Variants in PNPLA6 observed in about 807,000 individuals in gnomAD.
The protein encoded by PNPLA6 is patatin like domain 6, lysophospholipase, also known as patatin-like phospholipase domain-containing protein 6.
In PNPLA6, 105 loss-of-function variants were observed where a neutral mutation model predicts 153.7. That is an observed-to-expected ratio of 0.68 (90% confidence interval 0.58 to 0.80). The LOEUF is 0.80. Among genes scored for constraint, PNPLA6 ranks in the 30% least tolerant of loss-of-function variants. PNPLA6 has a pLI of 0.00. For missense variants in PNPLA6, 1,423 were observed against 1,919.3 expected (o/e 0.74, Z 4.83); for synonymous variants, 825 against 822.2 (o/e 1.00, Z -0.06).
At position 7,540,784 on chromosome 19, in the gene PNPLA6, A is replaced by T; in HGVS notation, c.795+74A>T. The stretch of plus-strand genomic sequence containing the variant: ...CCAAGGGACTAGGTTGAAGGAAATC[A>T]CAGGGTCCCCAATCTCTGGTTCATC... On this transcript the variant is annotated intron_variant, in intron 6 of 31. Transcript: ENST00000600737. This position sits in a 1 kb window ranked among gnomAD's most constrained non-coding sequence, Gnocchi z 6.8. 1.3e-6 allele frequency: 2 copies of T among 1,546,636 alleles called. No individual in the cohort carries two copies. Among genetic ancestry groups the T allele is most frequent in the Non-Finnish European group, 1.8e-6 (2 of 1,118,548 alleles).
chr19:7,554,457 G>A, intron 20 of PNPLA6, 98 bp from the exon 21 acceptor site: 4 of 1,418,592 alleles, frequency 2.8e-6, no homozygotes, highest in East Asian at 2.3e-5. Context: ...TGGGGGTTTG[G>A]GTGTCTAAGT....
chr19:7,554,863 C>A, intron 21 of PNPLA6, 30 bp from the exon 22 acceptor site: 2 of 1,571,676 alleles, frequency 1.3e-6, no homozygotes, highest in Non-Finnish European at 1.7e-6. Flanking sequence ...GGTGGGGCGG[C>A]TGGTGACCTC....
At position 7,535,904 on chromosome 19, in the gene PNPLA6, G is replaced by T; in HGVS notation, c.116G>T (p.Gly39Val). 1 of 1,555,866 alleles carries T rather than the reference G, an allele frequency of 6.4e-7. No individual in the cohort carries two copies. Residue 39 changes from glycine (G) to valine (V), a missense_variant, in exon 1 of 32, where the codon GGT (glycine) becomes GTT (valine). Transcript: ENST00000600737. This position sits in a 1 kb window ranked among gnomAD's most constrained non-coding sequence, Gnocchi z 5.0. ...PGEGSAGRIC[G>V]AQPVPFVPQV... ...GAAGGCTCGGCGGGACGGATTTGCG[G>T]TGCGCAGCCAGTGCCGTTCGTCCCT...
intron 13 of PNPLA6, among the ~76,000 whole-genome samples, chr19:7,547,621 C>T (rs1054616700): frequency 4.6e-5 from 7 of 151,210 alleles, no homozygotes; most frequent in Admixed American, 1.3e-4. Flanking sequence ...GGATTGCAGG[C>T]GTGAGCCACC....
At chr19:7,559,849 A>C (rs950708145) in intron 28 of PNPLA6, among the ~76,000 whole-genome samples, 1 of 137,656 alleles carries the variant, frequency 7.3e-6, no homozygotes, top group East Asian at 2.2e-4. Context: ...GTCTCTAAGA[A>C]AAAGAAAGGG....
chr19:7,547,008 A>C (rs2023412925), intron 13 of PNPLA6, among the ~76,000 whole-genome samples: 1 of 151,812 alleles, frequency 6.6e-6, no homozygotes, highest in Non-Finnish European at 1.5e-5. Context: ...AGGTTCAAGC[A>C]GTTCTCCTGT....
rs10419250 is a variant in PNPLA6, at chr19:7,539,705, C to T, written c.414-213C>T. Among the ~76,000 whole-genome samples, 1,738 of 147,852 alleles carry T rather than the reference C, an allele frequency of 0.012. 37 individuals carry two copies. The highest frequency in any genetic ancestry group is 0.041 in the African/African-American group (1,642 of 39,726). Reference sequence around the variant, plus strand: ...CCTGGAGGTGGAGGTTGCAGTGAGCCGAGATCGCACCATTGCACTCCAGCC... The same window carrying T: ...CCTGGAGGTGGAGGTTGCAGTGAGCTGAGATCGCACCATTGCACTCCAGCC... On this transcript the variant is annotated intron_variant, in intron 3 of 31. Transcript: ENST00000600737.
chr19:7,551,224 C>A, intron 17 of PNPLA6, 117 bp downstream of exon 17: 1 of 924,862 alleles, frequency 1.1e-6, no homozygotes. Flanking sequence ...GGGGCCGAAG[C>A]GAGAGAGTGA....
At position 7,551,070 on chromosome 19, in the gene PNPLA6, AG is replaced by A. The variant is rs1347606921; in HGVS notation, c.2150del (p.Gly717AlafsTer14). 1 of 1,529,956 alleles carries A rather than the reference AG, an allele frequency of 6.5e-7. No individual in the cohort carries two copies. The highest frequency in any genetic ancestry group is 1.4e-5 in the African/African-American group (1 of 71,670). The allele number at this position is 1,529,956 out of a possible 1,614,324, so 94.8% of individuals were successfully genotyped here. On this transcript the variant is annotated frameshift_variant, in exon 17 of 32. Transcript: ENST00000600737. LOFTEE classifies it high-confidence loss of function. ...VRDTELAKLP[E>X]GTLGHIKRRY... ...GACACGGAGCTGGCCAAGCTTCCCG[AG>A]GGCACCTTGGGTCACATCAAACGCC...
In PNPLA6 at chr19:7,540,213, C is replaced by G. The variant is rs751202036; in HGVS notation, c.619C>G (p.Leu207Val). 8.1e-6 allele frequency: 13 copies of G among 1,610,420 alleles called. No homozygotes were observed. Among genetic ancestry groups the G allele is most frequent in the Middle Eastern group, 1.7e-4 (1 of 6,060 alleles). ...ELCRHMVFQR[L>V]GQGDYVFRPG... is the part of the protein sequence containing the mutation. ...CTGCCGCCACATGGTCTTCCAGCGG[C>G]TGGGCCAGGGTGACTACGTCTTCCG... The change falls in exon 5 of 32, where the codon CTG becomes GTG. Residue 207 changes from leucine to valine, a missense_variant. This residue lies in a region of PNPLA6 where 118 missense variants were observed against 158.8 expected (regional missense o/e 0.74). Coordinates refer to ENST00000600737, the MANE Select transcript of PNPLA6 (RefSeq NM_001166114.2). This position sits in a 1 kb window ranked among gnomAD's most constrained non-coding sequence, Gnocchi z 6.8.
intron 3 of PNPLA6, among the ~76,000 whole-genome samples, chr19:7,538,652 G>A (rs937647335): frequency 2.0e-5 from 3 of 152,176 alleles, no homozygotes; most frequent in Non-Finnish European, 2.9e-5. Flanking sequence ...GGGCTATCTG[G>A]ATTCTCCACT....
At chr19:7,542,983 A>T in intron 12 of PNPLA6, 24 bp from the exon 13 acceptor site, 1 of 1,613,816 alleles carries the variant, frequency 6.2e-7, no homozygotes, top group South Asian at 1.1e-5. Flanking sequence ...GGCTGCGCCC[A>T]TCTCAACCCC....
At chr19:7,559,210 T>G in intron 28 of PNPLA6, 59 bp downstream of exon 28, 2 of 1,461,870 alleles carry the variant, frequency 1.4e-6, no homozygotes, top group Non-Finnish European at 1.9e-6. Context: ...CTTTGCTACT[T>G]AAAGCCCAGA....
In PNPLA6 at chr19:7,555,766, G is replaced by A; in HGVS notation, c.3093+3G>A. 6.2e-7 allele frequency: 1 copy of A among 1,613,172 alleles called. No homozygotes were observed. Among genetic ancestry groups the A allele is most frequent in the Non-Finnish European group, 8.5e-7 (1 of 1,179,838 alleles). ...AGCGGGCCCGGGAGTGGGCCAAGGT[G>A]TGTGTTGCGAGGAGGGATTGCTGCA... On this transcript the variant is annotated splice_donor_region_variant and intron_variant, in intron 24 of 31. Transcript: ENST00000600737. The surrounding 1 kb of genome is among the most constrained non-coding windows in gnomAD (Gnocchi z 6.3).
Position 7,551,014 on chromosome 19 carries a change from G to A in PNPLA6, c.2091G>A (p.Gln697=), listed in dbSNP as rs1398684640. 1 of 1,546,388 alleles carries A rather than the reference G, an allele frequency of 6.5e-7. No homozygotes were observed. Among genetic ancestry groups the A allele is most frequent in the East Asian group, 2.4e-5 (1 of 40,860 alleles). ...LIGVVEALTR[Q]PRATTVHAVR... ...CCCAGGTGGAGGCACTGACCCGGCA[G>A]CCGCGAGCCACGACGGTGCACGCGG... is the stretch of plus-strand genomic sequence containing the variant. Residue 697 remains glutamine (Q), a synonymous_variant, in exon 17 of 32, where the codon CAG becomes CAA. Transcript: ENST00000600737.
intron 13 of PNPLA6, among the ~76,000 whole-genome samples, chr19:7,545,208 C>G (rs558446): frequency 0.83 from 126,692 of 151,914 alleles, 53,284 homozygotes; most frequent in African/African-American, 0.92. Context: ...TGTAGTTGCA[C>G]TAGAGATGGG....
chr19:7,561,499 G>A lies in PNPLA6; in HGVS notation c.4035G>A (p.Lys1345=). 1 of 1,608,222 alleles carries A rather than the reference G, an allele frequency of 6.2e-7. No individual in the cohort carries two copies. The highest frequency in any genetic ancestry group is 8.5e-7 in the Non-Finnish European group (1 of 1,177,880). Residue 1345 remains lysine (K), a synonymous_variant, in exon 32 of 32, where the codon AAG becomes AAA. Transcript: ENST00000600737. The stretch of plus-strand genomic sequence containing the variant: ...ACCTTCCCTCGCAGGAGGAGGAGAA[G>A]TCGATTCTCCGGCAACGACGCTGTC... ...PSTASEMEEE[K]SILRQRRCLP...
Position 7,560,772 on chromosome 19 carries a change from T to C in PNPLA6, c.3816+8T>C, listed in dbSNP as rs774773411. Reference sequence around the variant, plus strand: ...GAGAGCCGCCGTGCAGACGTAAGCCTGTGATGCCCCCAGGGCCACTCTGAC... The same window carrying C: ...GAGAGCCGCCGTGCAGACGTAAGCCCGTGATGCCCCCAGGGCCACTCTGAC... On this transcript the variant is annotated splice_region_variant and intron_variant, in intron 29 of 31. Coordinates refer to ENST00000600737, the MANE Select transcript of PNPLA6 (RefSeq NM_001166114.2). The C allele has an allele frequency of 6.4e-7, 1 of 1,551,698 alleles. No homozygotes were observed. The highest frequency in any genetic ancestry group is 1.7e-5 in the Admixed American group (1 of 59,834).
In PNPLA6 at chr19:7,555,898, C is replaced by T. The variant is rs2023858344; in HGVS notation, c.3093+135C>T. Reference sequence around the variant, plus strand: ...GATTAAATCTATGATCCCCAGCTGTCCGGACTTTTATAGATAAGCTTCTAG... The same window carrying T: ...GATTAAATCTATGATCCCCAGCTGTTCGGACTTTTATAGATAAGCTTCTAG... On this transcript the variant is annotated intron_variant, in intron 24 of 31. Transcript: ENST00000600737. This position sits in a 1 kb window ranked among gnomAD's most constrained non-coding sequence, Gnocchi z 6.3. The T allele has an allele frequency of 1.0e-6, 1 of 953,026 alleles. No individual in the cohort carries two copies. 59.0% of individuals were successfully genotyped at this position (953,026 alleles called of 1,614,324 possible).
Sources: gnomAD v4.1 joint callset for allele counts (sites outside exome capture counted in the v4.1 genomes callset) on GRCh38, gnomAD v4.1.1 for gene constraint, gnomAD v4.1.1 regional missense constraint, Gnocchi (gnomAD v3.1) non-coding constraint, MANE v1.5 for transcripts, NCBI Gene and HGNC (gene_info 2026-07-23, HGNC 2026-07-21) for gene names.